The following COL22A1 variants were observed in gnomAD, a reference collection of about 807,000 sequenced individuals.
The protein encoded by COL22A1 is collagen type XXII alpha 1 chain, also known as collagen alpha-1(XXII) chain.
COL22A1 carries 221 observed loss-of-function variants against 248.9 expected under a neutral mutation model. That is an observed-to-expected ratio of 0.89 (90% CI 0.80 to 0.99). The LOEUF is 0.99. Ranked by LOEUF, COL22A1 falls within the 50% of genes least tolerant of loss-of-function variation. The pLI is 0.00. For missense variants in COL22A1, 2,240 were observed against 2,179.0 expected, an observed-to-expected ratio of 1.03 and a Z score of -0.56; for synonymous variants, 891 against 793.4, an observed-to-expected ratio of 1.12 and a Z score of -2.07.
intron 3 of COL22A1, among the ~76,000 whole-genome samples, chr8:138,857,758 G>A (rs1237567241): frequency 6.6e-6 from 1 of 152,202 alleles, no homozygotes; most frequent in Non-Finnish European, 1.5e-5. Context: ...GTGACCCTGT[G>A]GTCCAACCCC....
chr8:138,696,869 G>C (rs1246771229), intron 32 of COL22A1, among the ~76,000 whole-genome samples: 1 of 152,202 alleles, frequency 6.6e-6, no homozygotes, highest in African/African-American at 2.4e-5. Flanking sequence ...ATTATTTCTA[G>C]CATGTTTTCC....
intron 41 of COL22A1, among the ~76,000 whole-genome samples, chr8:138,672,462 G>C (rs528008356): frequency 6.6e-6 from 1 of 152,182 alleles, no homozygotes; most frequent in South Asian, 2.1e-4. Flanking sequence ...GGGCACTTGA[G>C]ATATTTGTTT....
chr8:138,707,588 G>C (rs141717969), intron 30 of COL22A1, among the ~76,000 whole-genome samples: 2,262 of 152,142 alleles, frequency 0.015, 52 homozygotes, highest in African/African-American at 0.052. Flanking sequence ...ATTCAACAAC[G>C]CTTCATGCTA....
At chr8:138,599,229 C>G (rs963471170) in intron 60 of COL22A1, among the ~76,000 whole-genome samples, 1 of 151,974 alleles carries the variant, frequency 6.6e-6, no homozygotes, top group Non-Finnish European at 1.5e-5. Flanking sequence ...GTAGTCCCAG[C>G]ACTCTGGGAG....
intron 39 of COL22A1, among the ~76,000 whole-genome samples, chr8:138,683,576 C>A (rs891092098): frequency 2.0e-4 from 31 of 152,132 alleles, no homozygotes; most frequent in African/African-American, 7.5e-4. Context: ...AATCTCCAGG[C>A]CTGGCCCATA....
intron 3 of COL22A1, among the ~76,000 whole-genome samples, chr8:138,873,716 C>T (rs1823514050): frequency 6.6e-6 from 1 of 152,088 alleles, no homozygotes; most frequent in African/African-American, 2.4e-5. Flanking sequence ...TGGCCTGTGT[C>T]CAGCACAGAG....
At chr8:138,777,728 A>T (rs1455446539) in intron 15 of COL22A1, among the ~76,000 whole-genome samples, 1 of 152,182 alleles carries the variant, frequency 6.6e-6, no homozygotes. Context: ...GTAGTATTCC[A>T]TGGTACATAT....
In COL22A1 at chr8:138,623,314, G is replaced by C. The variant is rs534127352; in HGVS notation, c.3771+418C>G. Among the ~76,000 whole-genome samples the C allele has an allele frequency of 3.3e-5, 5 of 149,920 alleles. No individual in the cohort carries two copies. The South Asian group carries it at 1.1e-3, about 32-fold the overall frequency. On this transcript the variant is annotated intron_variant, in intron 52 of 64. Transcript: ENST00000303045. ...TGTGTGTGTAATCCCACAATGTCTGGAGCTAGCAGGTGCCACTCAGATTTT... is the reference window on the plus strand; with the variant it reads ...TGTGTGTGTAATCCCACAATGTCTGCAGCTAGCAGGTGCCACTCAGATTTT...
chr8:138,610,371 C>T (rs974021628), intron 56 of COL22A1, among the ~76,000 whole-genome samples: 2 of 152,186 alleles, frequency 1.3e-5, no homozygotes, highest in African/African-American at 4.8e-5. Flanking sequence ...CATACATTCG[C>T]AATCATCACA....
intron 1 of COL22A1, among the ~76,000 whole-genome samples, chr8:138,893,138 A>C (rs1586982632): frequency 6.6e-6 from 1 of 152,204 alleles, no homozygotes; most frequent in East Asian, 1.9e-4. Context: ...GCTTGCCTAC[A>C]TCCTGGATTC....
At chr8:138,639,683 C>T (rs529986487) in intron 47 of COL22A1, among the ~76,000 whole-genome samples, 1 of 152,088 alleles carries the variant, frequency 6.6e-6, no homozygotes, top group East Asian at 1.9e-4. Flanking sequence ...TATGCAAATA[C>T]TTTTAAAAGC....
At chr8:138,640,171 G>A (rs986330235) in intron 47 of COL22A1, among the ~76,000 whole-genome samples, 1 of 152,092 alleles carries the variant, frequency 6.6e-6, no homozygotes, top group African/African-American at 2.4e-5. Flanking sequence ...TAATAAAATT[G>A]TTTTCTTTCT....
At position 138,828,650 on chromosome 8, in the gene COL22A1, A is replaced by T. The variant is rs188234003; in HGVS notation, c.846-1869T>A. Among the ~76,000 whole-genome samples, 114 of 152,190 alleles carry T rather than the reference A, an allele frequency of 7.5e-4. 2 individuals are homozygous for T. The East Asian group carries it at 0.019, about 26-fold the overall frequency. ...AATTTCTTCCTCACGAGAATCTATAAAGAAGGTATTAAAGGCGTGAACCCG... is the reference window on the plus strand; with the variant it reads ...AATTTCTTCCTCACGAGAATCTATATAGAAGGTATTAAAGGCGTGAACCCG... On this transcript the variant is annotated intron_variant, in intron 5 of 64. Coordinates refer to ENST00000303045, the MANE Select transcript of COL22A1 (RefSeq NM_152888.3).
rs1441611500 is a variant in COL22A1, at chr8:138,811,917, T to TG, written c.1330dup (p.Gln444ProfsTer23). On this transcript the variant is annotated frameshift_variant, in exon 9 of 65. Transcript: ENST00000303045. LOFTEE classifies it high-confidence loss of function. ...TGGAGGCTCTGTCACCACGGTCACC[T>TG]GGCACTGGAAGGAAAGCCCAGGAGG... 6.5e-7 allele frequency: 1 copy of TG among 1,549,050 alleles called. No homozygotes were observed. Among genetic ancestry groups the TG allele is most frequent in the Non-Finnish European group, 8.7e-7 (1 of 1,147,208 alleles).
intron 27 of COL22A1, among the ~76,000 whole-genome samples, chr8:138,717,879 C>G (rs1829567251): frequency 6.6e-6 from 1 of 152,156 alleles, no homozygotes; most frequent in Admixed American, 6.5e-5. Context: ...TCATCTTTAT[C>G]CAACCATGTG....
chr8:138,879,338 AGAG>A (rs767767443), intron 2 of COL22A1, among the ~76,000 whole-genome samples: 3 of 152,138 alleles, frequency 2.0e-5, no homozygotes, highest in Non-Finnish European at 2.9e-5. Flanking sequence ...AGATAATACA[AGAG>A]GAAGTGTTTT....
intron 45 of COL22A1, among the ~76,000 whole-genome samples, chr8:138,653,180 C>A (rs1463752299): frequency 6.6e-6 from 1 of 152,168 alleles, no homozygotes; most frequent in Non-Finnish European, 1.5e-5. Flanking sequence ...CATTGCTTCC[C>A]AGGAGAGGAA....
chr8:138,897,027 C>A (rs948797624), intron 1 of COL22A1, among the ~76,000 whole-genome samples: 1 of 151,890 alleles, frequency 6.6e-6, no homozygotes, highest in East Asian at 1.9e-4. Flanking sequence ...ACATAGGTAA[C>A]CTCATTCCAT....
intron 41 of COL22A1, among the ~76,000 whole-genome samples, 194 bp downstream of exon 41, chr8:138,676,364 C>T (rs1225082338): frequency 1.5e-5 from 2 of 133,584 alleles, no homozygotes; most frequent in East Asian, 2.3e-4. Context: ...CCACTGCACT[C>T]CAGCCTGGGC....
Sources: allele counts gnomAD v4.1 joint callset (sites outside exome capture counted in the v4.1 genomes callset), GRCh38; gene constraint gnomAD v4.1.1; transcripts MANE v1.5; gene names NCBI Gene and HGNC (gene_info 2026-07-23, HGNC 2026-07-21).